UPF1: variants seen among roughly 807,000 people sequenced by gnomAD.
The protein encoded by UPF1 is UPF1 RNA helicase and ATPase, also known as regulator of nonsense transcripts 1.
A neutral mutation model predicts 129.2 loss-of-function variants in UPF1; 9 were observed. That is an observed-to-expected ratio of 0.07 (90% CI 0.04 to 0.12). The LOEUF (loss-of-function observed/expected upper bound fraction) is 0.12, where lower values mean the gene tolerates loss of function less well. UPF1 is among the 10% of genes least tolerant of loss of function. UPF1 has a pLI of 1.00. For missense variants in UPF1, 788 were observed against 1,525.3 expected (o/e 0.52, Z 8.05); for synonymous variants, 649 against 644.9 (o/e 1.01, Z -0.10).
chr19:18,842,816 A>T (rs2055555285), intron 1 of UPF1, among the ~76,000 whole-genome samples: 1 of 151,988 alleles, frequency 6.6e-6, no homozygotes, highest in South Asian at 2.1e-4. Context: ...CCAGACCAAC[A>T]TGGAGAAACC....
intron 3 of UPF1, 83 bp downstream of exon 3, chr19:18,847,916 C>T (rs777945974): frequency 5.7e-5 from 84 of 1,466,486 alleles, no homozygotes; most frequent in Non-Finnish European, 7.3e-5. Context: ...TGAAGCAAAG[C>T]GTAATATAAA....
chr19:18,864,974 G>C (rs1407557615), intron 20 of UPF1, among the ~76,000 whole-genome samples: 6 of 152,132 alleles, frequency 3.9e-5, no homozygotes, highest in Admixed American at 2.6e-4. Flanking sequence ...CCTGATCTCA[G>C]GTGGTCCACC....
chr19:18,863,380 C>T lies in UPF1; in HGVS notation c.2601-58C>T, dbSNP rs540712522. Reference sequence around the variant, plus strand: ...GTGAATGCAGCCTTGCCTCTTGGACCGTCCTGTGAGACGGGCAGCTCTCCA... The same window carrying T: ...GTGAATGCAGCCTTGCCTCTTGGACTGTCCTGTGAGACGGGCAGCTCTCCA... On this transcript the variant is annotated intron_variant, in intron 18 of 23. Transcript: ENST00000262803. The T allele has an allele frequency of 1.0e-5, 16 of 1,582,774 alleles. No individual in the cohort carries two copies. In the Admixed American group the frequency reaches 1.2e-4, roughly 12 times the overall value.
intron 1 of UPF1, among the ~76,000 whole-genome samples, chr19:18,834,067 C>T (rs1185237302): frequency 2.0e-5 from 3 of 152,032 alleles, no homozygotes. Context: ...CTGCGGAGGC[C>T]CCACCTCCTT....
At chr19:18,839,040 TACC>T (rs1168461921) in intron 1 of UPF1, among the ~76,000 whole-genome samples, 1 of 152,168 alleles carries the variant, frequency 6.6e-6, no homozygotes, top group Non-Finnish European at 1.5e-5. Flanking sequence ...CACCATCAGC[TACC>T]ACCACATTTC....
chr19:18,856,179 C>T lies in UPF1; in HGVS notation c.1710-7C>T. The T allele has an allele frequency of 6.2e-7, 1 of 1,606,482 alleles. No homozygotes were observed. The highest frequency in any genetic ancestry group is 8.5e-7 in the Non-Finnish European group (1 of 1,173,870). Reference sequence around the variant, plus strand: ...CAGGCACCCTGCTGACCTGCATGTGCTTCCAGCATGCCTGAGCTGCAGAAG... The same window carrying T: ...CAGGCACCCTGCTGACCTGCATGTGTTTCCAGCATGCCTGAGCTGCAGAAG... On this transcript the variant is annotated splice_region_variant and splice_polypyrimidine_tract_variant and intron_variant, in intron 12 of 23. Coordinates refer to ENST00000262803, the MANE Select transcript of UPF1 (RefSeq NM_002911.4).
rs2055431134 is a variant in UPF1, at chr19:18,832,085, T to G, written c.-125T>G. 2 of 939,348 alleles carry G rather than the reference T, an allele frequency of 2.1e-6. No homozygotes were observed. Among genetic ancestry groups the G allele is most frequent in the Non-Finnish European group, 2.8e-6 (2 of 706,818 alleles). The allele number at this position is 939,348 out of a possible 1,614,324, so 58.2% of individuals were successfully genotyped here. On this transcript the variant is annotated 5_prime_UTR_variant, in exon 1 of 24. Transcript: ENST00000262803. The surrounding 1 kb of genome is among the most constrained non-coding windows in gnomAD (Gnocchi z 5.6). The stretch of plus-strand genomic sequence containing the variant: ...TCCGGCTGGCGCCGGGGCGCGCGGT[T>G]TGGTCCTTTCCGGGCGCGCGGGGGC...
intron 1 of UPF1, among the ~76,000 whole-genome samples, chr19:18,843,769 A>C (rs2055568464): frequency 6.6e-6 from 1 of 151,208 alleles, no homozygotes. Context: ...TAAGAGAGAC[A>C]GGGTCTTGGT....
In UPF1 at chr19:18,855,911, C is replaced by T. The variant is rs1238140950; in HGVS notation, c.1545-14C>T. The T allele has an allele frequency of 6.2e-7, 1 of 1,613,186 alleles. No homozygotes were observed. Among genetic ancestry groups the T allele is most frequent in the Non-Finnish European group, 8.5e-7 (1 of 1,179,788 alleles). On this transcript the variant is annotated splice_polypyrimidine_tract_variant and intron_variant, in intron 11 of 23. Coordinates refer to ENST00000262803, the MANE Select transcript of UPF1 (RefSeq NM_002911.4). ...CCTCTGGGTAAGCACTGAGCTGCCC[C>T]AATGGTGTTGCAGGCCGGTGCTGGT...
rs1390920896 is a variant in UPF1, at chr19:18,853,510, A to G, written c.1156+160A>G. Among the ~76,000 whole-genome samples the G allele has an allele frequency of 6.6e-6, 1 of 152,200 alleles. No individual in the cohort carries two copies. The highest frequency in any genetic ancestry group is 2.4e-5 in the African/African-American group (1 of 41,438). On this transcript the variant is annotated intron_variant, in intron 8 of 23. Coordinates refer to ENST00000262803, the MANE Select transcript of UPF1 (RefSeq NM_002911.4). This position sits in a 1 kb window ranked among gnomAD's most constrained non-coding sequence, Gnocchi z 4.4. ...GCCCTCCACTGCTCTTAGGAGAATC[A>G]CAGGGCCTTCACCTTCAGGGGACAG...
At chr19:18,856,142 A>AT (rs1419408059) in intron 12 of UPF1, 44 bp from the exon 13 acceptor site, 1 of 1,607,768 alleles carries the variant, frequency 6.2e-7, no homozygotes, top group Non-Finnish European at 8.5e-7. Flanking sequence ...TGCGGGTGAC[A>AT]TGTACAGAAC....
intron 9 of UPF1, 25 bp downstream of exon 9, chr19:18,854,734 CCT>C (rs749534840): frequency 6.2e-6 from 10 of 1,610,438 alleles, no homozygotes; most frequent in African/African-American, 1.3e-5. Context: ...ATCACTGCCC[CCT>C]GTTCCCTGGT....
Position 18,855,930 on chromosome 19 carries a change from T to G in UPF1, c.1550T>G (p.Val517Gly). 1 of 1,613,734 alleles carries G rather than the reference T, an allele frequency of 6.2e-7. No homozygotes were observed. Among genetic ancestry groups the G allele is most frequent in the Non-Finnish European group, 8.5e-7 (1 of 1,179,984 alleles). Reference sequence around the variant, plus strand: ...CTGCCCCAATGGTGTTGCAGGCCGGTGCTGGTGTGTGCTCCGAGCAACATC... The same window carrying G: ...CTGCCCCAATGGTGTTGCAGGCCGGGGCTGGTGTGTGCTCCGAGCAACATC... ...YHLARQGNGP[V>G]LVCAPSNIAV... Residue 517 changes from valine (V) to glycine (G), a missense_variant, in exon 12 of 24, where the codon GTG becomes GGG. Physicochemically the swap from Val to Gly is moderately radical, Grantham distance 109. Around this residue, in one of 6 missense-constraint regions of UPF1, gnomAD observed 91 missense variants for 157.2 expected, o/e 0.58. Coordinates refer to ENST00000262803, the MANE Select transcript of UPF1 (RefSeq NM_002911.4).
rs760567598 is a variant in UPF1 at position 18,850,918 on chromosome 19, C to T, written c.810+50C>T. The stretch of plus-strand genomic sequence containing the variant: ...CGTGCCTTCGTGTGGTTTCTGGTTG[C>T]GGGGAGGGGAGTGTCTTCAGAGACG... On this transcript the variant is annotated intron_variant, in intron 5 of 23. Coordinates refer to ENST00000262803, the MANE Select transcript of UPF1 (RefSeq NM_002911.4). This position sits in a 1 kb window ranked among gnomAD's most constrained non-coding sequence, Gnocchi z 7.1. 30 of 1,475,644 alleles carry T rather than the reference C, an allele frequency of 2.0e-5. No individual in the cohort carries two copies. The highest frequency in any genetic ancestry group is 4.9e-5 in the East Asian group (2 of 40,990). 91.4% of individuals were successfully genotyped at this position (1,475,644 alleles called of 1,614,324 possible). A position where few individuals can be genotyped will look rare whatever the true frequency, so the allele number is the denominator to read the frequency against.
chr19:18,860,269 T>C, intron 15 of UPF1, 52 bp from the exon 16 acceptor site: 1 of 1,585,570 alleles, frequency 6.3e-7, no homozygotes, highest in Non-Finnish European at 8.7e-7. Flanking sequence ...TCTGAACTCA[T>C]TTGAGGCGGG....
chr19:18,862,297 T>A, intron 18 of UPF1, 145 bp downstream of exon 18: 1 of 1,341,874 alleles, frequency 7.5e-7, no homozygotes, highest in Non-Finnish European at 1.0e-6. Flanking sequence ...ACTGGAGAGA[T>A]CTTTGTTTCC....
chr19:18,837,111 G>A (rs1459440978), intron 1 of UPF1, among the ~76,000 whole-genome samples: 2 of 151,082 alleles, frequency 1.3e-5, no homozygotes, highest in Non-Finnish European at 3.0e-5. Context: ...TTGTTTTAAG[G>A]CAAAGTCTCA....
chr19:18,836,729 G>A (rs1423430120), intron 1 of UPF1, among the ~76,000 whole-genome samples: 1 of 152,060 alleles, frequency 6.6e-6, no homozygotes, highest in Non-Finnish European at 1.5e-5. Context: ...GAAAAGTCAG[G>A]GAGATACCAC....
At chr19:18,839,614 C>G (rs1427071175) in intron 1 of UPF1, among the ~76,000 whole-genome samples, 1 of 152,206 alleles carries the variant, frequency 6.6e-6, no homozygotes, top group Admixed American at 6.5e-5. Flanking sequence ...CATGGCCAAG[C>G]CCTGGCCCCA....
Sources: allele counts gnomAD v4.1 joint callset (sites outside exome capture counted in the v4.1 genomes callset), GRCh38; gene constraint gnomAD v4.1.1; regional missense constraint gnomAD v4.1.1; non-coding constraint Gnocchi (gnomAD v3.1); transcripts MANE v1.5; gene names NCBI Gene and HGNC (gene_info 2026-07-23, HGNC 2026-07-21).